PACSIN2: variants seen among roughly 807,000 people sequenced by gnomAD.
PACSIN2 encodes protein kinase C and casein kinase substrate in neurons protein 2.
Under a neutral mutation model 63.8 loss-of-function variants are expected in PACSIN2, and 25 were observed. The observed-to-expected ratio is 0.39, with a 90% CI of 0.29 to 0.55. The LOEUF is 0.55. Ranked by LOEUF, PACSIN2 falls within the 20% of genes least tolerant of loss-of-function variation. The pLI, the probability that PACSIN2 is intolerant of heterozygous loss-of-function variation, is 0.62. For synonymous variants in PACSIN2, 255 were observed against 256.2 expected (o/e 1.00, Z 0.05); for missense variants, 518 against 646.9 (o/e 0.80, Z 2.16).
rs1482098620 is a variant in PACSIN2, at chr22:42,884,568, G to A, written c.610-7C>T. On this transcript the variant is annotated splice_region_variant and splice_polypyrimidine_tract_variant and intron_variant, in intron 5 of 10. Transcript: ENST00000263246. ...TCTCATACTTCTCTTTGGTCTAAAG[G>A]AAAATCCAGGCACAAGACAGAGGTT... The A allele has an allele frequency of 6.2e-7, 1 of 1,611,732 alleles. No homozygotes were observed. The highest frequency in any genetic ancestry group is 8.5e-7 in the Non-Finnish European group (1 of 1,178,452).
intron 1 of PACSIN2, among the ~76,000 whole-genome samples, chr22:42,974,394 A>T (rs1921536262): frequency 6.6e-6 from 1 of 152,114 alleles, no homozygotes; most frequent in Non-Finnish European, 1.5e-5. Flanking sequence ...TTTGCCAATG[A>T]TTTCCATTCC....
intron 1 of PACSIN2, among the ~76,000 whole-genome samples, chr22:42,982,887 A>AAAAAAAAAAAAAAAAAAAAAAAAAC (rs200348918): frequency 4.6e-5 from 6 of 129,574 alleles, no homozygotes; most frequent in Non-Finnish European, 8.5e-5. Context: ...AAAAAAAAAA[A>AAAAAAAAAAAAAAAAAAAAAAAAAC]AAACAACAAC....
chr22:42,937,038 G>A (rs1386371112), intron 1 of PACSIN2, among the ~76,000 whole-genome samples: 1 of 152,236 alleles, frequency 6.6e-6, no homozygotes, highest in African/African-American at 2.4e-5. Flanking sequence ...TATATTGGGT[G>A]CCTGTGCAGC....
intron 1 of PACSIN2, among the ~76,000 whole-genome samples, chr22:42,952,592 C>T (rs112498162): frequency 0.013 from 2,016 of 151,754 alleles, 29 homozygotes; most frequent in Middle Eastern, 0.075. Flanking sequence ...CTCCTGACCT[C>T]GTGATCCGCC....
At chr22:42,888,873 G>T in intron 4 of PACSIN2, 75 bp from the exon 5 acceptor site, 1 of 1,465,100 alleles carries the variant, frequency 6.8e-7, no homozygotes, top group Non-Finnish European at 9.5e-7. Context: ...CACAGACCAT[G>T]GGAATGCTTG....
chr22:42,960,956 A>T (rs1032888100), intron 1 of PACSIN2, among the ~76,000 whole-genome samples: 1 of 152,234 alleles, frequency 6.6e-6, no homozygotes, highest in Non-Finnish European at 1.5e-5. Context: ...CAAATATTTC[A>T]AGGGATCAAT....
intron 9 of PACSIN2, 83 bp downstream of exon 9, chr22:42,876,805 G>A (rs931583676): frequency 9.6e-6 from 15 of 1,565,110 alleles, no homozygotes; most frequent in Admixed American, 3.4e-5. Flanking sequence ...GCCGAGTGCC[G>A]AGGGGTGAGA....
At chr22:43,013,039 G>A (rs185521284) in intron 1 of PACSIN2, among the ~76,000 whole-genome samples, 6 of 152,194 alleles carry the variant, frequency 3.9e-5, no homozygotes, top group African/African-American at 9.6e-5. Context: ...TGATCTGCCC[G>A]CCTCGGCCTT....
chr22:43,009,820 T>C (rs529660877), intron 1 of PACSIN2, among the ~76,000 whole-genome samples: 82 of 152,270 alleles, frequency 5.4e-4, no homozygotes, highest in Middle Eastern at 3.4e-3. Context: ...TTTTTAAGGC[T>C]TCTTGCGAGG....
chr22:42,987,181 C>A (rs1922676286), intron 1 of PACSIN2, among the ~76,000 whole-genome samples: 1 of 152,132 alleles, frequency 6.6e-6, no homozygotes, highest in South Asian at 2.1e-4. Context: ...CTGTCACTTA[C>A]CACCCATGTG....
chr22:42,872,101 C>T (rs1009794636), intron 10 of PACSIN2, among the ~76,000 whole-genome samples: 2 of 152,320 alleles, frequency 1.3e-5, no homozygotes. Context: ...AACGTGGTTC[C>T]ATTTATCTTT....
chr22:42,978,941 C>A (rs1921885095), intron 1 of PACSIN2, among the ~76,000 whole-genome samples: 1 of 152,142 alleles, frequency 6.6e-6, no homozygotes, highest in Non-Finnish European at 1.5e-5. Flanking sequence ...GAGGTCACTC[C>A]ACCCAATGTC....
chr22:42,960,704 G>A (rs1209582194), intron 1 of PACSIN2, among the ~76,000 whole-genome samples: 1 of 152,234 alleles, frequency 6.6e-6, no homozygotes, highest in African/African-American at 2.4e-5. Context: ...GGACAGGGAA[G>A]AGAAAGAGGA....
rs9630310 is a variant in PACSIN2, at chr22:42,870,808, G to A, written c.*549C>T. 1,022 of 153,066 alleles carry A rather than the reference G, an allele frequency of 6.7e-3. 5 individuals carry two copies. Among genetic ancestry groups the A allele is most frequent in the Admixed American group, 0.017 (261 of 15,450 alleles). The allele number at this position is 153,066 out of a possible 1,614,324, so 9.5% of individuals were successfully genotyped here. A position where few individuals can be genotyped will look rare whatever the true frequency, so the allele number is the denominator to read the frequency against. On this transcript the variant is annotated 3_prime_UTR_variant, in exon 11 of 11. Coordinates refer to ENST00000263246, the MANE Select transcript of PACSIN2 (RefSeq NM_001184970.3). ...ACCTGAGGCTAAGCCTACACACGGC[G>A]TGGCTGAGTAACAGGGTAAGGGAAT... is the stretch of plus-strand genomic sequence containing the variant.
intron 1 of PACSIN2, among the ~76,000 whole-genome samples, chr22:42,944,852 C>T (rs905283288): frequency 2.0e-5 from 3 of 152,184 alleles, no homozygotes; most frequent in African/African-American, 4.8e-5. Flanking sequence ...AATCTCAGCA[C>T]TTTGGGAGGC....
intron 1 of PACSIN2, among the ~76,000 whole-genome samples, chr22:42,962,908 A>G (rs1241952784): frequency 6.6e-6 from 1 of 152,112 alleles, no homozygotes; most frequent in Admixed American, 6.5e-5. Context: ...ACATCTCACT[A>G]GTGGATTCCA....
In PACSIN2 at chr22:42,943,714, T is replaced by C. The variant is rs143510810; in HGVS notation, c.-77-31557A>G. Among the ~76,000 whole-genome samples the C allele has an allele frequency of 2.4e-3, 371 of 152,294 alleles. 3 individuals are homozygous for C. Among genetic ancestry groups the C allele is most frequent in the African/African-American group, 8.6e-3 (356 of 41,550 alleles). ...CTGACATTATATATTTTGATGAATT[T>C]CAAGTGTCATAAGGAGCCAAATAAA... On this transcript the variant is annotated intron_variant, in intron 1 of 10. Coordinates refer to ENST00000263246, the MANE Select transcript of PACSIN2 (RefSeq NM_001184970.3).
intron 1 of PACSIN2, among the ~76,000 whole-genome samples, chr22:42,954,328 C>A (rs766160625): frequency 6.6e-6 from 1 of 152,218 alleles, no homozygotes; most frequent in Non-Finnish European, 1.5e-5. Flanking sequence ...CATTGAGCCT[C>A]TAGTCTTGGG....
intron 1 of PACSIN2, among the ~76,000 whole-genome samples, chr22:42,921,893 C>T (rs4822227): frequency 0.42 from 63,334 of 151,850 alleles, 13,868 homozygotes; most frequent in Non-Finnish European, 0.48. Flanking sequence ...CGCTCACCAC[C>T]ATGCCAGGCT....
Sources: gnomAD v4.1 joint callset for allele counts (sites outside exome capture counted in the v4.1 genomes callset) on GRCh38, gnomAD v4.1.1 for gene constraint, MANE v1.5 for transcripts, NCBI Gene and HGNC (gene_info 2026-07-23, HGNC 2026-07-21) for gene names.